Variants in ACSM2B observed in about 807,000 individuals in gnomAD.
The protein encoded by ACSM2B is acyl-CoA synthetase medium chain family member 2B, also known as acyl-coenzyme A synthetase ACSM2B, mitochondrial.
Under a neutral mutation model 78.6 loss-of-function variants are expected in ACSM2B, and 58 were observed. The ratio of observed to expected loss-of-function variants is 0.74; its 90% CI spans 0.60 to 0.92. The LOEUF (loss-of-function observed/expected upper bound fraction) is 0.92. Among genes scored for constraint, ACSM2B ranks in the 40% least tolerant of loss-of-function variants. The probability of loss-of-function intolerance (pLI) is 0.00; values close to 1 mark genes in which losing one functional copy is unlikely to be tolerated. For synonymous variants in ACSM2B, 257 were observed against 256.8 expected (o/e 1.00, Z -0.01); for missense variants, 688 against 711.2 (o/e 0.97, Z 0.37).
chr16:20,542,700 C>T, intron 12 of ACSM2B: 1 of 617,454 alleles, frequency 1.6e-6, no homozygotes, highest in Non-Finnish European at 2.8e-6. Flanking sequence ...AATATTAGCA[C>T]ATTTAACCCT....
Position 20,559,380 on chromosome 16 carries a change from T to G in ACSM2B, c.245A>C (p.Asn82Thr), listed in dbSNP as rs1470971378. The change falls in exon 3 of 14, where the codon AAT (asparagine) becomes ACT (threonine). Residue 82 changes from asparagine to threonine, a missense_variant. Coordinates refer to ENST00000329697, the MANE Select transcript of ACSM2B (RefSeq NM_001105069.2). ...GCTGTTTTCACTCAGTTCTCTGAAATTCCACATTAATTCCTTCCCCTTCCC... is the reference window on the plus strand; with the variant it reads ...GCTGTTTTCACTCAGTTCTCTGAAAGTCCACATTAATTCCTTCCCCTTCCC... ...VNGKGKELMW[N>T]FRELSENSQQ... is the part of the protein sequence containing the mutation. 3.1e-6 allele frequency: 5 copies of G among 1,612,482 alleles called. No homozygotes were observed. Among genetic ancestry groups the G allele is most frequent in the Non-Finnish European group, 4.2e-6 (5 of 1,179,290 alleles).
At chr16:20,544,589 C>T in intron 10 of ACSM2B, 1 of 985,300 alleles carries the variant, frequency 1.0e-6, no homozygotes, top group South Asian at 4.7e-5. Context: ...AGAAGGCATG[C>T]CCTTGGGTTC....
intron 4 of ACSM2B, among the ~76,000 whole-genome samples, chr16:20,554,466 C>A (rs1045932947): frequency 6.6e-6 from 1 of 152,174 alleles, no homozygotes; most frequent in African/African-American, 2.4e-5. Context: ...ATTTCCATGA[C>A]AGCTACCTTA....
At chr16:20,569,277 C>G (rs567607160) in intron 1 of ACSM2B, among the ~76,000 whole-genome samples, 6 of 152,140 alleles carry the variant, frequency 3.9e-5, no homozygotes, top group African/African-American at 1.4e-4. Context: ...CATTCTCCTA[C>G]ATGTGGCTTG....
Position 20,546,363 on chromosome 16 carries a change from A to T in ACSM2B, c.1179+31T>A, listed in dbSNP as rs1260830065. On this transcript the variant is annotated intron_variant, in intron 9 of 13. Transcript: ENST00000329697. ...TTACTGAAAATCAGTGTTTCCCCTAACTTCCTCCCTCCTCAGTGTCCCGAG... is the reference window on the plus strand; with the variant it reads ...TTACTGAAAATCAGTGTTTCCCCTATCTTCCTCCCTCCTCAGTGTCCCGAG... The T allele has an allele frequency of 1.9e-6, 3 of 1,576,270 alleles. No homozygotes were observed. The African/African-American group carries it at 4.1e-5, about 22-fold the overall frequency.
intron 6 of ACSM2B, among the ~76,000 whole-genome samples, chr16:20,551,507 G>A (rs1023847418): frequency 6.6e-6 from 1 of 152,004 alleles, no homozygotes; most frequent in African/African-American, 2.4e-5. Flanking sequence ...GCCAGGAAGA[G>A]AGGGCTTCCC....
chr16:20,564,800 T>A lies in ACSM2B; in HGVS notation c.46A>T (p.Thr16Ser). 1 of 1,612,934 alleles carries A rather than the reference T, an allele frequency of 6.2e-7. No individual in the cohort carries two copies. Among genetic ancestry groups the A allele is most frequent in the Non-Finnish European group, 8.5e-7 (1 of 1,179,318 alleles). Residue 16 changes from threonine to serine, a missense_variant, in exon 2 of 14, where the codon ACT becomes TCT. Transcript: ENST00000329697. ...KVQGLCTLWG[T>S]QMSSRTLYIN... ...TAGAGAGTGCGGCTGGACATCTGAG[T>A]ACCCCACAGGGTGCAAAGTCCCTGA...
rs556184266 is a variant in ACSM2B, at chr16:20,561,549, C to T, written c.178-2102G>A. On this transcript the variant is annotated intron_variant, in intron 2 of 13. Transcript: ENST00000329697. The stretch of plus-strand genomic sequence containing the variant: ...CTGCCCGTATGATCCAAATGTCTTC[C>T]ACCAGGCCCTACCTCCAACTCTGTG... Among the ~76,000 whole-genome samples, 6 of 151,984 alleles carry T rather than the reference C, an allele frequency of 3.9e-5. No homozygotes were observed. In the South Asian group the frequency reaches 1.3e-3, roughly 32 times the overall value.
In ACSM2B at chr16:20,537,344, G is replaced by T. The variant is rs1342748686; in HGVS notation, c.1648C>A (p.Leu550Met). The T allele has an allele frequency of 6.2e-7, 1 of 1,613,992 alleles. No homozygotes were observed. Among genetic ancestry groups the T allele is most frequent in the Non-Finnish European group, 8.5e-7 (1 of 1,179,884 alleles). The change falls in exon 14 of 14, where the codon CTG (leucine) becomes ATG (methionine). Residue 550 changes from leucine (L) to methionine (M), a missense_variant. Coordinates refer to ENST00000329697, the MANE Select transcript of ACSM2B (RefSeq NM_001105069.2). ...ATTTTCCCTGTGACAGTCTTGGGCA[G>T]GTTCAAGACAAACTCTATCTGTTGA... ...YPRKIEFVLN[L>M]PKTVTGKIQR... is the part of the protein sequence containing the mutation.
rs753511934 is a variant in ACSM2B, at chr16:20,555,305, C to G, written c.560G>C (p.Ser187Thr). The G allele has an allele frequency of 1.2e-6, 2 of 1,613,766 alleles. No homozygotes were observed. The highest frequency in any genetic ancestry group is 1.3e-5 in the African/African-American group (1 of 74,876). Residue 187 changes from serine to threonine, a missense_variant, in exon 4 of 14, where the codon AGC (serine) becomes ACC (threonine). Physicochemically the swap from Ser to Thr is moderately conservative, Grantham distance 58 (BLOSUM62 1). Coordinates refer to ENST00000329697, the MANE Select transcript of ACSM2B (RefSeq NM_001105069.2). ...CTTGAAGTTCAGCCACCCATCGCAG[C>G]TTTTCTCAGACACCAGTAGCTTAAT... ...LRIKLLVSEKSCDGWLNFKKL... is the reference protein window; with the variant it reads ...LRIKLLVSEKTCDGWLNFKKL...
intron 1 of ACSM2B, among the ~76,000 whole-genome samples, chr16:20,568,396 A>G (rs1463684579): frequency 6.8e-6 from 1 of 146,204 alleles, no homozygotes; most frequent in East Asian, 2.0e-4. Context: ...CTATACTACT[A>G]TATATAAATA....
intron 6 of ACSM2B, among the ~76,000 whole-genome samples, chr16:20,548,990 A>G (rs1311706783): frequency 1.3e-5 from 2 of 152,224 alleles, no homozygotes; most frequent in Non-Finnish European, 2.9e-5. Flanking sequence ...AGTGCTACAA[A>G]AAGACCTAGT....
At chr16:20,567,782 T>C (rs1221639211) in intron 1 of ACSM2B, among the ~76,000 whole-genome samples, 5 of 140,692 alleles carry the variant, frequency 3.6e-5, no homozygotes, top group African/African-American at 1.0e-4. Flanking sequence ...ATATATAATA[T>C]ATAATATATA....
At chr16:20,555,745 T>C (rs2015454300) in intron 3 of ACSM2B, among the ~76,000 whole-genome samples, 1 of 152,148 alleles carries the variant, frequency 6.6e-6, no homozygotes, top group Non-Finnish European at 1.5e-5. Context: ...CTAAGACACA[T>C]ACAATTCTCC....
chr16:20,561,530 G>A (rs1390721421), intron 2 of ACSM2B, among the ~76,000 whole-genome samples: 9 of 151,852 alleles, frequency 5.9e-5, no homozygotes, highest in African/African-American at 9.7e-5. Flanking sequence ...GGACCTGCCC[G>A]TATGATCCAA....
chr16:20,560,601 A>G (rs934577941), intron 2 of ACSM2B, among the ~76,000 whole-genome samples: 9 of 152,136 alleles, frequency 5.9e-5, no homozygotes, highest in East Asian at 5.8e-4. Context: ...AAGTTACCTA[A>G]TCTCAGGTAT....
At chr16:20,543,059 T>C (rs772760263) in intron 11 of ACSM2B, 46 bp from the exon 12 acceptor site, 1 of 1,612,884 alleles carries the variant, frequency 6.2e-7, no homozygotes, top group South Asian at 1.1e-5. Flanking sequence ...ACCGAACCTC[T>C]AGGCCATTCC....
Position 20,553,775 on chromosome 16 carries a change from AC to A in ACSM2B, c.740+1del. ...TCTGTAGAGAGAAAGAGCTCAGCTT[AC>A]CCAGCATCCATCTTGGCCTTGAGGC... On this transcript the variant is annotated splice_donor_variant, in intron 5 of 13. Transcript: ENST00000329697. LOFTEE classifies it high-confidence loss of function. The A allele has an allele frequency of 1.2e-6, 2 of 1,600,686 alleles. No individual in the cohort carries two copies. Among genetic ancestry groups the A allele is most frequent in the Non-Finnish European group, 1.7e-6 (2 of 1,169,048 alleles).
Position 20,570,733 on chromosome 16 carries a change from A to G in ACSM2B, c.-9+5474T>C, listed in dbSNP as rs558778153. Among the ~76,000 whole-genome samples, 5 of 151,708 alleles carry G rather than the reference A, an allele frequency of 3.3e-5. No homozygotes were observed. In the East Asian group the frequency reaches 9.7e-4, roughly 30 times the overall value. On this transcript the variant is annotated intron_variant, in intron 1 of 13. Transcript: ENST00000329697. ...TGTTGTTGTTGATAATTTTTGTATTACCATTTTAATCTCGCTGCTTGTTAT... is the reference window on the plus strand; with the variant it reads ...TGTTGTTGTTGATAATTTTTGTATTGCCATTTTAATCTCGCTGCTTGTTAT...
Sources: allele counts gnomAD v4.1 joint callset (sites outside exome capture counted in the v4.1 genomes callset), GRCh38; gene constraint gnomAD v4.1.1; transcripts MANE v1.5; gene names NCBI Gene and HGNC (gene_info 2026-07-23, HGNC 2026-07-21).